The following RAD21 variants were observed in gnomAD, a reference collection of about 807,000 sequenced individuals.
RAD21 encodes the protein double-strand-break repair protein rad21 homolog.
Under a neutral mutation model 71.5 loss-of-function variants are expected in RAD21, and 18 were observed. The observed-to-expected ratio is 0.25, with a 90% confidence interval of 0.17 to 0.37. The LOEUF (loss-of-function observed/expected upper bound fraction) is 0.37. Among genes scored for constraint, RAD21 ranks in the 10% least tolerant of loss-of-function variants. RAD21 has a pLI of 1.00. For missense variants in RAD21, 493 were observed against 769.1 expected (o/e 0.64, Z 4.25); for synonymous variants, 248 against 254.0 (o/e 0.98, Z 0.22).
intron 1 of RAD21, among the ~76,000 whole-genome samples, chr8:116,872,125 A>C (rs1812835583): frequency 6.6e-6 from 1 of 152,236 alleles, no homozygotes; most frequent in African/African-American, 2.4e-5. Context: ...TATAACAACT[A>C]TATTAACTAT....
chr8:116,846,460 T>C lies in RAD21; in HGVS notation c.*1040A>G, dbSNP rs1409531715. On this transcript the variant is annotated 3_prime_UTR_variant, in exon 14 of 14. Transcript: ENST00000297338. ...TTGGATGTATTTTTCTTCAATTAAA[T>C]TACAGGAAACTGGATATAGGATTTC... 4 of 226,350 alleles carry C rather than the reference T, an allele frequency of 1.8e-5. No individual in the cohort carries two copies. The highest frequency in any genetic ancestry group is 8.9e-5 in the African/African-American group (4 of 44,902). The allele number at this position is 226,350 out of a possible 1,614,324, so 14.0% of individuals were successfully genotyped here.
At chr8:116,854,779 C>T (rs1359272380) in intron 8 of RAD21, among the ~76,000 whole-genome samples, 13 of 152,164 alleles carry the variant, frequency 8.5e-5, no homozygotes, top group Admixed American at 8.5e-4. Flanking sequence ...AAACAATGAA[C>T]ATATCACACT....
Position 116,869,012 on chromosome 8 carries a change from AC to A in RAD21, c.-32-2252del, listed in dbSNP as rs571236116. 7.0e-3 allele frequency among the ~76,000 whole-genome samples: 1,071 copies of A among 152,266 alleles called. 5 individuals are homozygous for A. Among genetic ancestry groups the A allele is most frequent in the Non-Finnish European group, 0.012 (839 of 68,012 alleles). Reference sequence around the variant, plus strand: ...CACATTATATAAAAATTCAAAATAGACAAAACTTTTAAAAAATGGCAGAGGG... The same window carrying A: ...CACATTATATAAAAATTCAAAATAGAAAAACTTTTAAAAAATGGCAGAGGG... On this transcript the variant is annotated intron_variant, in intron 1 of 13. Transcript: ENST00000297338.
chr8:116,856,640 G>C lies in RAD21; in HGVS notation c.814+6C>G, dbSNP rs375138699. ...TCCCCAGAATCACTGAACATGAAAT[G>C]CTTACTTGATACATTATCATCCTCA... On this transcript the variant is annotated splice_donor_region_variant and intron_variant, in intron 7 of 13. Transcript: ENST00000297338. 79 of 1,582,172 alleles carry C rather than the reference G, an allele frequency of 5.0e-5. No homozygotes were observed. Among genetic ancestry groups the C allele is most frequent in the Non-Finnish European group, 6.6e-5 (77 of 1,164,306 alleles).
intron 2 of RAD21, among the ~76,000 whole-genome samples, chr8:116,866,029 AACTATTAT>A (rs1812683384): frequency 3.3e-5 from 5 of 152,164 alleles, no homozygotes; most frequent in Admixed American, 6.6e-5. Context: ...AATGGCATTT[AACTATTAT>A]ACTATCATGC....
rs1346634300 is a variant in RAD21 at position 116,846,826 on chromosome 8, C to G, written c.*674G>C. On this transcript the variant is annotated 3_prime_UTR_variant, in exon 14 of 14. Transcript: ENST00000297338. ...ACTAAAATAACAGATTTCAGTATAG[C>G]CAAGTTCATCAGAAAGACTCAAATG... The G allele has an allele frequency of 4.6e-6, 1 of 219,548 alleles. No homozygotes were observed. The highest frequency in any genetic ancestry group is 9.1e-6 in the Non-Finnish European group (1 of 109,620). 13.6% of individuals were successfully genotyped at this position (219,548 alleles called of 1,614,324 possible).
chr8:116,851,811 T>A (rs1246095292), intron 11 of RAD21, 137 bp downstream of exon 11: 1 of 858,370 alleles, frequency 1.2e-6, no homozygotes, highest in Non-Finnish European at 1.8e-6. Flanking sequence ...TATATCCTGT[T>A]GCTCTTCTTC....
chr8:116,870,461 C>T (rs1446785974), intron 1 of RAD21, among the ~76,000 whole-genome samples: 2 of 152,216 alleles, frequency 1.3e-5, no homozygotes, highest in African/African-American at 4.8e-5. Context: ...AATAACACCT[C>T]AAAGGTGCTT....
chr8:116,857,210 T>C, intron 6 of RAD21, 57 bp downstream of exon 6: 1 of 1,488,164 alleles, frequency 6.7e-7, no homozygotes, highest in Non-Finnish European at 9.2e-7. Flanking sequence ...TTTCCAAAAC[T>C]TTACAACTTA....
intron 1 of RAD21, among the ~76,000 whole-genome samples, chr8:116,873,886 A>C (rs1812900175): frequency 6.6e-6 from 1 of 152,244 alleles, no homozygotes; most frequent in South Asian, 2.1e-4. Flanking sequence ...ATCACTTTAA[A>C]GAATGATCAG....
chr8:116,846,423 TAA>T lies in RAD21; in HGVS notation c.*1075_*1076del, dbSNP rs1036162548. The T allele has an allele frequency of 2.6e-5, 6 of 227,458 alleles. No individual in the cohort carries two copies. Among genetic ancestry groups the T allele is most frequent in the Non-Finnish European group, 5.2e-5 (6 of 114,326 alleles). The allele number at this position is 227,458 out of a possible 1,614,324, so 14.1% of individuals were successfully genotyped here. A position where few individuals can be genotyped will look rare whatever the true frequency, so the allele number is the denominator to read the frequency against. On this transcript the variant is annotated 3_prime_UTR_variant, in exon 14 of 14. Coordinates refer to ENST00000297338, the MANE Select transcript of RAD21 (RefSeq NM_006265.3). Reference sequence around the variant, plus strand: ...CTGATGCTATCTGGTCTGTTAATAATAAAGTCTTTATTTGGATGTATTTTTCT... The same window carrying T: ...CTGATGCTATCTGGTCTGTTAATAATAGTCTTTATTTGGATGTATTTTTCT...
chr8:116,852,594 G>C lies in RAD21; in HGVS notation c.1276C>G (p.Pro426Ala). ...FLKEFENPEV[P>A]REDQQQQHQQ... is the part of the protein sequence containing the mutation. ...TGCTGCTGTTGCTGGTCCTCTCTAGGAACCTCTGGATTTTCAAATTCTTTG... is the reference window on the plus strand; with the variant it reads ...TGCTGCTGTTGCTGGTCCTCTCTAGCAACCTCTGGATTTTCAAATTCTTTG... Residue 426 changes from proline to alanine, a missense_variant, in exon 10 of 14, where the codon CCT becomes GCT. By Grantham distance (27) the Pro-to-Ala change is conservative (BLOSUM62 -1). Around this residue, in one of 5 missense-constraint regions of RAD21, gnomAD observed 225 missense variants for 218.3 expected, o/e 1.03. Coordinates refer to ENST00000297338, the MANE Select transcript of RAD21 (RefSeq NM_006265.3). 3 of 1,613,246 alleles carry C rather than the reference G, an allele frequency of 1.9e-6. No individual in the cohort carries two copies. The highest frequency in any genetic ancestry group is 1.7e-6 in the Non-Finnish European group (2 of 1,179,620).
chr8:116,857,540 G>T, intron 5 of RAD21, 67 bp from the exon 6 acceptor site: 1 of 1,262,678 alleles, frequency 7.9e-7, no homozygotes, highest in Non-Finnish European at 1.1e-6. Flanking sequence ...AAAGAAAACT[G>T]CTAATGATTT....
At chr8:116,853,987 G>A (rs577336185) in intron 9 of RAD21, among the ~76,000 whole-genome samples, 1 of 152,134 alleles carries the variant, frequency 6.6e-6, no homozygotes, top group Non-Finnish European at 1.5e-5. Context: ...ATTTATTACA[G>A]AGAGAAGTAT....
intron 3 of RAD21, 26 bp downstream of exon 3, chr8:116,863,104 C>CAAA: frequency 6.3e-7 from 1 of 1,584,468 alleles, no homozygotes; most frequent in East Asian, 2.2e-5. Flanking sequence ...ACAACAACAA[C>CAAA]AAAAACCAAA....
chr8:116,868,969 C>G (rs1204951471), intron 1 of RAD21, among the ~76,000 whole-genome samples: 1 of 151,964 alleles, frequency 6.6e-6, no homozygotes, highest in East Asian at 1.9e-4. Context: ...AAGGAAAAAA[C>G]CCTCCACCTA....
chr8:116,857,475 TA>T lies in RAD21; in HGVS notation c.482-3del, dbSNP rs1217367738. Reference sequence around the variant, plus strand: ...CACGATCATCCATTCCAAAATCACCTAAACAAATTTTAATTTGTCATTAGTT... The same window carrying T: ...CACGATCATCCATTCCAAAATCACCTAACAAATTTTAATTTGTCATTAGTT... On this transcript the variant is annotated splice_region_variant and splice_polypyrimidine_tract_variant and intron_variant, in intron 5 of 13. Transcript: ENST00000297338. The T allele has an allele frequency of 8.7e-6, 14 of 1,610,628 alleles. No homozygotes were observed. The highest frequency in any genetic ancestry group is 1.2e-5 in the Non-Finnish European group (14 of 1,178,046).
At position 116,856,608 on chromosome 8, in the gene RAD21, A is replaced by T. The variant is rs776241021; in HGVS notation, c.814+38T>A. 2.3e-5 allele frequency: 36 copies of T among 1,542,032 alleles called. No individual in the cohort carries two copies. The East Asian group carries it at 7.8e-4, about 33-fold the overall frequency. On this transcript the variant is annotated intron_variant, in intron 7 of 13. Transcript: ENST00000297338. ...TGGTAAGTATCTTTCTGGATGCCAT[A>T]CAATCATCCCCAGAATCACTGAACA...
chr8:116,867,761 G>C (rs1164502221), intron 1 of RAD21, among the ~76,000 whole-genome samples: 2 of 152,170 alleles, frequency 1.3e-5, no homozygotes, highest in Admixed American at 1.3e-4. Flanking sequence ...TAGAGTCACA[G>C]GGAGTCATAG....
Sources: gnomAD v4.1 joint callset for allele counts (sites outside exome capture counted in the v4.1 genomes callset) on GRCh38, gnomAD v4.1.1 for gene constraint, gnomAD v4.1.1 regional missense constraint, MANE v1.5 for transcripts, NCBI Gene and HGNC (gene_info 2026-07-23, HGNC 2026-07-21) for gene names.